Variants in CELF1 observed in about 807,000 individuals in gnomAD.
CELF1 encodes 50 kDa nuclear polyadenylated RNA-binding protein.
CELF1 carries 10 observed loss-of-function variants against 61.8 expected under a neutral mutation model. The observed-to-expected ratio is 0.16, with a 90% CI of 0.10 to 0.27. The LOEUF is 0.27. Among genes scored for constraint, CELF1 ranks in the 10% least tolerant of loss-of-function variants. The pLI is 1.00. For synonymous variants in CELF1, 236 were observed against 225.1 expected, an observed-to-expected ratio of 1.05 and a Z score of -0.43; for missense variants, 380 against 639.1, an observed-to-expected ratio of 0.59 and a Z score of 4.37.
intron 1 of CELF1, among the ~76,000 whole-genome samples, chr11:47,534,022 CTTTTTTTT>C (rs71042679): frequency 1.0e-4 from 9 of 87,584 alleles, no homozygotes; most frequent in South Asian, 4.6e-4. Context: ...TTTTTCTTTC[CTTTTTTTT>C]TTTTTTTTTT....
intron 13 of CELF1, 66 bp downstream of exon 13, chr11:47,475,270 C>A: frequency 1.3e-6 from 2 of 1,512,694 alleles, no homozygotes; most frequent in African/African-American, 2.7e-5. Flanking sequence ...TTTGCTCTGC[C>A]TTTCCGTTCT....
Position 47,553,102 on chromosome 11 carries a change from CGCCGCT to C in CELF1, c.-270_-265del, listed in dbSNP as rs575641108. The stretch of plus-strand genomic sequence containing the variant: ...TCCCGGGGGAGCCTCCGCGTCCCGC[CGCCGCT>C]GCCGCTGCCGCCAGAGCAGAACACC... On this transcript the variant is annotated 5_prime_UTR_variant, in exon 1 of 15. Transcript: ENST00000687097. 63 of 398,622 alleles carry C rather than the reference CGCCGCT, an allele frequency of 1.6e-4. No individual in the cohort carries two copies. The South Asian group carries it at 2.1e-3, about 13-fold the overall frequency. The allele number at this position is 398,622 out of a possible 1,614,324, so 24.7% of individuals were successfully genotyped here.
At chr11:47,521,486 T>A (rs1237384166) in intron 1 of CELF1, among the ~76,000 whole-genome samples, 4 of 152,348 alleles carry the variant, frequency 2.6e-5, no homozygotes, top group East Asian at 1.9e-4. Flanking sequence ...TGCTTTCTAA[T>A]CCCAGTTTTG....
chr11:47,531,140 G>A (rs1173991508), intron 1 of CELF1, among the ~76,000 whole-genome samples: 3 of 151,954 alleles, frequency 2.0e-5, no homozygotes, highest in East Asian at 1.9e-4. Flanking sequence ...CCAGCTACTC[G>A]GGAAGCTGAG....
At chr11:47,533,805 C>A (rs7126301) in intron 1 of CELF1, among the ~76,000 whole-genome samples, 72,780 of 86,106 alleles carry the variant, frequency 0.85, 30,683 homozygotes, top group East Asian at 0.95. Flanking sequence ...GCGAGACTCT[C>A]CCCCAAAAAA....
chr11:47,484,333 C>A, intron 7 of CELF1, 56 bp downstream of exon 7: 1 of 1,577,058 alleles, frequency 6.3e-7, no homozygotes, highest in Non-Finnish European at 8.6e-7. Flanking sequence ...AAAAAAAACC[C>A]CAAACCAAAC....
At chr11:47,507,624 T>C (rs966371314) in intron 1 of CELF1, among the ~76,000 whole-genome samples, 8 of 152,226 alleles carry the variant, frequency 5.3e-5, no homozygotes, top group African/African-American at 1.7e-4. Context: ...ATACAACTCC[T>C]GCCAGCTGTA....
chr11:47,480,246 C>A (rs904814117), intron 9 of CELF1, among the ~76,000 whole-genome samples: 2 of 152,072 alleles, frequency 1.3e-5, no homozygotes, highest in Non-Finnish European at 2.9e-5. Context: ...ACCATCACAC[C>A]CAGCTAATTT....
At chr11:47,478,692 C>A (rs1030720048) in intron 10 of CELF1, among the ~76,000 whole-genome samples, 185 bp downstream of exon 10, 3 of 152,198 alleles carry the variant, frequency 2.0e-5, no homozygotes, top group Non-Finnish European at 4.4e-5. Context: ...AATGTGGCAT[C>A]AACTAGCCAT....
chr11:47,501,585 C>T (rs932466861), intron 1 of CELF1, among the ~76,000 whole-genome samples: 4 of 152,066 alleles, frequency 2.6e-5, no homozygotes, highest in African/African-American at 4.8e-5. Context: ...GAGGCCAAGG[C>T]GGGCGGATCA....
rs528380824 is a variant in CELF1 at position 47,542,644 on chromosome 11, C to T, written c.-154+10348G>A. On this transcript the variant is annotated intron_variant, in intron 1 of 14. Transcript: ENST00000687097. ...ACTTGAGGAGCTGGGATTACAGACA[C>T]GCACCACCACATCTGGCTAAGTCTT... Among the ~76,000 whole-genome samples, 6 of 152,064 alleles carry T rather than the reference C, an allele frequency of 3.9e-5. No homozygotes were observed. The South Asian group carries it at 1.0e-3, about 26-fold the overall frequency.
chr11:47,473,799 T>C (rs2078765164), intron 13 of CELF1, among the ~76,000 whole-genome samples: 1 of 152,216 alleles, frequency 6.6e-6, no homozygotes, highest in Admixed American at 6.5e-5. Context: ...CATATGTAAA[T>C]GGGAAAATAA....
intron 13 of CELF1, among the ~76,000 whole-genome samples, chr11:47,474,124 C>A (rs2078946407): frequency 6.6e-6 from 1 of 152,180 alleles, no homozygotes; most frequent in South Asian, 2.1e-4. Flanking sequence ...GTCTCGAACT[C>A]CTGATCTCAT....
chr11:47,544,953 A>C (rs1309943556), intron 1 of CELF1, among the ~76,000 whole-genome samples: 1 of 151,988 alleles, frequency 6.6e-6, no homozygotes, highest in African/African-American at 2.4e-5. Context: ...CAACAGTGAC[A>C]CTCACTCTCA....
At chr11:47,513,767 T>C (rs967291646) in intron 1 of CELF1, 2 of 151,874 alleles carry the variant, frequency 1.3e-5, no homozygotes, top group Non-Finnish European at 2.9e-5. Context: ...CCTCTTTTTT[T>C]TTTTTTAAAC....
chr11:47,482,925 G>C, intron 8 of CELF1, 69 bp from the exon 9 acceptor site: 15 of 1,404,194 alleles, frequency 1.1e-5, no homozygotes, highest in Non-Finnish European at 1.4e-5. Flanking sequence ...TCTTCCTTTT[G>C]GATGACATGC....
chr11:47,479,913 TG>T (rs2082028278), intron 9 of CELF1, among the ~76,000 whole-genome samples: 1 of 151,936 alleles, frequency 6.6e-6, no homozygotes, highest in African/African-American at 2.4e-5. Flanking sequence ...AGGAACAGAA[TG>T]GGGGAAAAAA....
intron 9 of CELF1, among the ~76,000 whole-genome samples, chr11:47,479,718 T>C (rs541458436): frequency 1.3e-5 from 2 of 152,356 alleles, no homozygotes; most frequent in South Asian, 4.1e-4. Context: ...CTAACCAGCT[T>C]GCTGAAAACT....
chr11:47,552,929 C>T (rs1027970371), intron 1 of CELF1, 63 bp downstream of exon 1: 8 of 397,514 alleles, frequency 2.0e-5, no homozygotes, highest in South Asian at 1.3e-4. Context: ...GCGGCGCCTC[C>T]CTCTTGCCTT....
Sources: gnomAD v4.1 joint callset for allele counts (sites outside exome capture counted in the v4.1 genomes callset) on GRCh38, gnomAD v4.1.1 for gene constraint, MANE v1.5 for transcripts, NCBI Gene and HGNC (gene_info 2026-07-23, HGNC 2026-07-21) for gene names.